DYM: variants seen among roughly 807,000 people sequenced by gnomAD.
DYM encodes dymeclin.
Under a neutral mutation model 93.1 loss-of-function variants are expected in DYM, and 78 were observed. That is an observed-to-expected ratio of 0.84 (90% CI 0.70 to 1.01). The LOEUF (loss-of-function observed/expected upper bound fraction) is 1.01, where lower values mean the gene tolerates loss of function less well. Among genes scored for constraint, DYM ranks in the 50% least tolerant of loss-of-function variants. DYM has a pLI of 0.00. For synonymous variants in DYM, 321 were observed against 319.7 expected (o/e 1.00, Z -0.04); for missense variants, 789 against 845.0 (o/e 0.93, Z 0.82).
chr18:49,145,069 A>G (rs2084934381), intron 15 of DYM, among the ~76,000 whole-genome samples: 1 of 141,094 alleles, frequency 7.1e-6, no homozygotes, highest in Non-Finnish European at 1.5e-5. Flanking sequence ...ACTGAGCTCC[A>G]GCCTGGGCAA....
chr18:49,406,169 T>G (rs1278074064), intron 2 of DYM, among the ~76,000 whole-genome samples: 2 of 152,252 alleles, frequency 1.3e-5, no homozygotes, highest in African/African-American at 2.4e-5. Flanking sequence ...AGAGATGGTT[T>G]GACTTCTTCT....
At chr18:49,452,401 T>C (rs1174396213) in intron 1 of DYM, among the ~76,000 whole-genome samples, 1 of 152,074 alleles carries the variant, frequency 6.6e-6, no homozygotes, top group Non-Finnish European at 1.5e-5. Context: ...TATTCCCTTA[T>C]CTGGCCCCAC....
intron 14 of DYM, among the ~76,000 whole-genome samples, chr18:49,178,818 G>C (rs2089640023): frequency 6.6e-6 from 1 of 152,052 alleles, no homozygotes; most frequent in South Asian, 2.1e-4. Flanking sequence ...ACCATCTCCA[G>C]ATAATATTAT....
chr18:49,403,694 G>A (rs1318743627), intron 2 of DYM, among the ~76,000 whole-genome samples: 1 of 152,096 alleles, frequency 6.6e-6, no homozygotes, highest in African/African-American at 2.4e-5. Context: ...CCATCACTCA[G>A]GTAATGAGCA....
Position 49,040,340 on chromosome 18 carries a change from T to C in DYM, c.*3715A>G, listed in dbSNP as rs569005943. Among the ~76,000 whole-genome samples the C allele has an allele frequency of 3.0e-4, 45 of 152,290 alleles. No homozygotes were observed. The highest frequency in any genetic ancestry group is 4.1e-4 in the South Asian group (2 of 4,820). On this transcript the variant is annotated 3_prime_UTR_variant, in exon 18 of 18. Coordinates refer to ENST00000675505, the MANE Select transcript of DYM (RefSeq NM_001353214.3). ...CAGCCTTGTGAAGTTAGATTAGGGGTTGAGTATGACCTGGCCAAGGGTCTT... is the reference window on the plus strand; with the variant it reads ...CAGCCTTGTGAAGTTAGATTAGGGGCTGAGTATGACCTGGCCAAGGGTCTT...
At chr18:49,334,029 C>T (rs545580847) in intron 6 of DYM, among the ~76,000 whole-genome samples, 176 bp from the exon 7 acceptor site, 1 of 152,314 alleles carries the variant, frequency 6.6e-6, no homozygotes, top group South Asian at 2.1e-4. Flanking sequence ...TAAACTCCTT[C>T]CCTGTCATTA....
At chr18:49,264,690 C>T (rs2094542439) in intron 11 of DYM, among the ~76,000 whole-genome samples, 1 of 152,138 alleles carries the variant, frequency 6.6e-6, no homozygotes, top group Admixed American at 6.5e-5. Flanking sequence ...CGTATAAGCA[C>T]ATCTACATCT....
intron 6 of DYM, among the ~76,000 whole-genome samples, chr18:49,359,309 A>G (rs1489645433): frequency 1.3e-5 from 2 of 152,208 alleles, no homozygotes; most frequent in African/African-American, 4.8e-5. Flanking sequence ...TGCATAACTT[A>G]ATCTTTATTT....
At chr18:49,171,610 A>G (rs1423017096) in intron 14 of DYM, among the ~76,000 whole-genome samples, 4 of 152,218 alleles carry the variant, frequency 2.6e-5, no homozygotes, top group Non-Finnish European at 5.9e-5. Context: ...TAAAATTATT[A>G]GAGGTGGAGT....
intron 8 of DYM, among the ~76,000 whole-genome samples, chr18:49,318,041 C>T (rs1456328126): frequency 6.6e-6 from 1 of 152,168 alleles, no homozygotes; most frequent in Non-Finnish European, 1.5e-5. Context: ...CATCTCTCCA[C>T]TCTAATTCTC....
chr18:49,436,219 T>C lies in DYM; in HGVS notation c.-53-5772A>G, dbSNP rs574575626. ...TTATAGAGATGGGCGTCTTGCTATGTTGCTGAGGCTAATCTCAATCTCCTG... is the reference window on the plus strand; with the variant it reads ...TTATAGAGATGGGCGTCTTGCTATGCTGCTGAGGCTAATCTCAATCTCCTG... On this transcript the variant is annotated intron_variant, in intron 1 of 17. Transcript: ENST00000675505. 5.9e-5 allele frequency among the ~76,000 whole-genome samples: 9 copies of C among 152,292 alleles called. No individual in the cohort carries two copies. The East Asian group carries it at 1.7e-3, about 29-fold the overall frequency.
intron 3 of DYM, among the ~76,000 whole-genome samples, chr18:49,380,810 C>T (rs2067976407): frequency 6.6e-6 from 1 of 152,156 alleles, no homozygotes; most frequent in Admixed American, 6.5e-5. Context: ...TAGTAGCAAA[C>T]ACAGTCTTTT....
chr18:49,302,478 T>C (rs1437256753), intron 8 of DYM, among the ~76,000 whole-genome samples: 6 of 152,246 alleles, frequency 3.9e-5, no homozygotes, highest in African/African-American at 1.2e-4. Context: ...ATAATTAATA[T>C]AACTATGCAT....
Position 49,391,614 on chromosome 18 carries a change from T to C in DYM, c.172A>G (p.Ile58Val), listed in dbSNP as rs2069259260. ...TTACCTAATGACCTGCAGACTGAAA[T>C]GGTTGCTTCCTCCAAGAGTTTCAAC... ...SELKLLEEATISVCRSLVENN... is the reference protein window; with the variant it reads ...SELKLLEEATVSVCRSLVENN... Residue 58 changes from isoleucine to valine, a missense_variant, in exon 3 of 18, where the codon ATT becomes GTT. This residue lies in a region of DYM where 450 missense variants were observed against 436.2 expected (regional missense o/e 1.03). Coordinates refer to ENST00000675505, the MANE Select transcript of DYM (RefSeq NM_001353214.3). 1.9e-6 allele frequency: 3 copies of C among 1,613,538 alleles called. No homozygotes were observed. In the East Asian group the frequency reaches 6.7e-5, roughly 36 times the overall value.
intron 3 of DYM, among the ~76,000 whole-genome samples, chr18:49,380,415 A>G (rs1333512905): frequency 1.3e-5 from 2 of 152,144 alleles, no homozygotes; most frequent in East Asian, 3.8e-4. Context: ...CTCATCTGTA[A>G]AAGAAACAAC....
chr18:49,300,436 C>A (rs2060852125), intron 8 of DYM, among the ~76,000 whole-genome samples: 1 of 151,818 alleles, frequency 6.6e-6, no homozygotes, highest in Non-Finnish European at 1.5e-5. Context: ...CTCATCTCTA[C>A]TAAAACACTA....
chr18:49,233,742 C>T (rs1295039539), intron 13 of DYM, among the ~76,000 whole-genome samples: 1 of 152,196 alleles, frequency 6.6e-6, no homozygotes, highest in South Asian at 2.1e-4. Context: ...GACTATATTT[C>T]TCAGCTTCCA....
intron 1 of DYM, among the ~76,000 whole-genome samples, chr18:49,446,857 G>C (rs80202074): frequency 6.6e-6 from 1 of 151,974 alleles, no homozygotes; most frequent in African/African-American, 2.4e-5. Context: ...TCAGGAGTTC[G>C]AGACCAACCT....
intron 8 of DYM, among the ~76,000 whole-genome samples, chr18:49,309,058 A>G (rs1324851641): frequency 1.3e-5 from 2 of 152,230 alleles, no homozygotes; most frequent in Non-Finnish European, 2.9e-5. Flanking sequence ...CTATATTGTC[A>G]TTAGCATTAC....
Sources: allele counts gnomAD v4.1 joint callset (sites outside exome capture counted in the v4.1 genomes callset), GRCh38; gene constraint gnomAD v4.1.1; regional missense constraint gnomAD v4.1.1; transcripts MANE v1.5; gene names NCBI Gene and HGNC (gene_info 2026-07-23, HGNC 2026-07-21).